Variants in NRG1 observed in about 807,000 individuals in gnomAD.
The protein encoded by NRG1 is pro-neuregulin-1, membrane-bound isoform.
A neutral mutation model predicts 63.8 loss-of-function variants in NRG1; 18 were observed. The ratio of observed to expected loss-of-function variants is 0.28; its 90% CI spans 0.19 to 0.42. NRG1 has a LOEUF of 0.42. Among genes scored for constraint, NRG1 ranks in the 10% least tolerant of loss-of-function variants. The pLI, the probability that NRG1 is intolerant of heterozygous loss-of-function variation, is 1.00. For synonymous variants in NRG1, 302 were observed against 301.3 expected, an observed-to-expected ratio of 1.00 and a Z score of -0.02; for missense variants, 762 against 814.7, an observed-to-expected ratio of 0.94 and a Z score of 0.79.
At position 32,217,069 on chromosome 8, in the gene NRG1, C is replaced by T. The variant is rs758399370; in HGVS notation, c.38-378759C>T. Among the ~76,000 whole-genome samples the T allele has an allele frequency of 6.5e-4, 98 of 151,560 alleles. 1 individual carries two copies. Among genetic ancestry groups the T allele is most frequent in the Admixed American group, 7.2e-4 (11 of 15,188 alleles). On this transcript the variant is annotated intron_variant, in intron 1 of 10. Transcript: ENST00000519301. ...CTCTACTAAAAATATAAAAATTAGC[C>T]GGGCGTGGTGGCACATGTCTGTAAT...
chr8:32,664,885 T>A (rs1392037350), intron 5 of NRG1, among the ~76,000 whole-genome samples: 1 of 152,180 alleles, frequency 6.6e-6, no homozygotes, highest in East Asian at 1.9e-4. Context: ...AGTCTTTATG[T>A]ATTTATTAAT....
chr8:31,847,156 A>G (rs1826767389), intron 1 of NRG1, among the ~76,000 whole-genome samples: 1 of 152,242 alleles, frequency 6.6e-6, no homozygotes, highest in Non-Finnish European at 1.5e-5. Flanking sequence ...TGACTTATCC[A>G]TACTAAATTG....
chr8:31,758,683 A>G (rs558763082), intron 1 of NRG1, among the ~76,000 whole-genome samples: 1 of 152,162 alleles, frequency 6.6e-6, no homozygotes, highest in East Asian at 1.9e-4. Flanking sequence ...CACACAATGG[A>G]TATTTGGGTT....
intron 1 of NRG1, among the ~76,000 whole-genome samples, chr8:31,759,652 C>G (rs1393280812): frequency 6.6e-6 from 1 of 152,080 alleles, no homozygotes; most frequent in African/African-American, 2.4e-5. Context: ...CATACGTTCT[C>G]TAACTTTGTT....
intron 1 of NRG1, among the ~76,000 whole-genome samples, chr8:32,324,451 C>T (rs1030291222): frequency 6.6e-6 from 1 of 152,098 alleles, no homozygotes; most frequent in Non-Finnish European, 1.5e-5. Context: ...AGCTTTCCTG[C>T]TTTGGAAACC....
At chr8:32,626,741 C>T (rs1190540183) in intron 5 of NRG1, among the ~76,000 whole-genome samples, 1 of 151,704 alleles carries the variant, frequency 6.6e-6, no homozygotes, top group African/African-American at 2.4e-5. Flanking sequence ...AAAATTTTGG[C>T]CAGGTGTGGT....
chr8:31,974,541 G>C (rs1354796013), intron 1 of NRG1, among the ~76,000 whole-genome samples: 1 of 152,038 alleles, frequency 6.6e-6, no homozygotes, highest in Non-Finnish European at 1.5e-5. Flanking sequence ...GAAGTACCCT[G>C]ACTGTCAGTC....
At chr8:32,266,980 C>T (rs532602266) in intron 1 of NRG1, among the ~76,000 whole-genome samples, 3 of 151,398 alleles carry the variant, frequency 2.0e-5, no homozygotes, top group Admixed American at 6.6e-5. Flanking sequence ...ACCTGGGAGG[C>T]GGAGGTGGCA....
chr8:32,407,209 T>G (rs150241130), intron 1 of NRG1, among the ~76,000 whole-genome samples: 13 of 148,006 alleles, frequency 8.8e-5, no homozygotes, highest in Non-Finnish European at 1.0e-4. Context: ...GGGTCACTGA[T>G]ACTCTGTGAC....
chr8:32,034,654 A>G (rs553901190), intron 1 of NRG1, among the ~76,000 whole-genome samples: 2 of 152,334 alleles, frequency 1.3e-5, no homozygotes, highest in South Asian at 4.1e-4. Flanking sequence ...CAAGAATTCA[A>G]CTTCTTACTG....
At chr8:31,691,062 C>G (rs1026957458) in intron 1 of NRG1, among the ~76,000 whole-genome samples, 10 of 152,110 alleles carry the variant, frequency 6.6e-5, no homozygotes, top group African/African-American at 2.4e-4. Flanking sequence ...TCCTGGGTCA[C>G]TCTAGCAGAG....
At position 31,666,156 on chromosome 8, in the gene NRG1, C is replaced by T. The variant is rs747018099; in HGVS notation, c.37+26725C>T. On this transcript the variant is annotated intron_variant, in intron 1 of 10. Coordinates refer to the NRG1 transcript ENST00000519301. ...CAAACCAGGGCCCAGTAGTAGGGAG[C>T]CATTGAGCAGATTTCTGAGCGGCTT... is the stretch of plus-strand genomic sequence containing the variant. 4.6e-5 allele frequency among the ~76,000 whole-genome samples: 7 copies of T among 152,090 alleles called. No individual in the cohort carries two copies. The South Asian group carries it at 8.3e-4, about 18-fold the overall frequency.
intron 1 of NRG1, among the ~76,000 whole-genome samples, chr8:31,873,411 T>C (rs1178497534): frequency 6.6e-6 from 1 of 152,050 alleles, no homozygotes; most frequent in African/African-American, 2.4e-5. Context: ...ATACAAAAAT[T>C]AGCCGGGCGT....
chr8:32,671,791 C>T (rs1207053926), intron 5 of NRG1, among the ~76,000 whole-genome samples: 1 of 152,076 alleles, frequency 6.6e-6, no homozygotes, highest in Non-Finnish European at 1.5e-5. Flanking sequence ...TTCATTTAAA[C>T]AACAATTCAG....
intron 1 of NRG1, among the ~76,000 whole-genome samples, chr8:31,685,208 C>A (rs182112757): frequency 6.6e-6 from 1 of 152,154 alleles, no homozygotes; most frequent in East Asian, 1.9e-4. Flanking sequence ...CATATTTAAC[C>A]ATGGTTAATG....
intron 4 of NRG1, 68 bp from the exon 5 acceptor site, chr8:32,616,767 A>C: frequency 7.7e-7 from 1 of 1,304,488 alleles, no homozygotes; most frequent in Admixed American, 1.7e-5. Flanking sequence ...CAAGCCTGGC[A>C]AATTTCTAAT....
chr8:32,172,289 A>G (rs1840159234), intron 1 of NRG1, among the ~76,000 whole-genome samples: 1 of 152,204 alleles, frequency 6.6e-6, no homozygotes. Flanking sequence ...GTGGGTCCTG[A>G]CTGTTAGAAG....
At chr8:32,216,828 C>A (rs1421492905) in intron 1 of NRG1, among the ~76,000 whole-genome samples, 4 of 151,618 alleles carry the variant, frequency 2.6e-5, no homozygotes, top group African/African-American at 4.8e-5. Flanking sequence ...TAGTTAGAGC[C>A]AGCCTAACAA....
At chr8:32,054,115 G>C (rs561317312) in intron 1 of NRG1, among the ~76,000 whole-genome samples, 1 of 152,282 alleles carries the variant, frequency 6.6e-6, no homozygotes, top group African/African-American at 2.4e-5. Context: ...ACAAAGAACT[G>C]TTAGAAAACT....
Sources: allele counts gnomAD v4.1 joint callset (sites outside exome capture counted in the v4.1 genomes callset), GRCh38; gene constraint gnomAD v4.1.1; transcripts MANE v1.5; gene names NCBI Gene and HGNC (gene_info 2026-07-23, HGNC 2026-07-21).